Variants in ZNF736 observed in about 807,000 individuals in gnomAD.
The protein encoded by ZNF736 is zinc finger protein 736, also known as KRAB-containing zinc-finger repressor protein.
ZNF736 carries 6 observed loss-of-function variants against 11.7 expected under a neutral mutation model. The observed-to-expected ratio is 0.51, with a 90% confidence interval of 0.28 to 1.01. The LOEUF (loss-of-function observed/expected upper bound fraction) is 1.01. Ranked by LOEUF, ZNF736 falls within the 50% of genes least tolerant of loss-of-function variation. The pLI is 0.09. For missense variants in ZNF736, 444 were observed against 496.0 expected, an observed-to-expected ratio of 0.90 and a Z score of 1.00; for synonymous variants, 139 against 164.7, an observed-to-expected ratio of 0.84 and a Z score of 1.19.
intron 1 of ZNF736, among the ~76,000 whole-genome samples, chr7:64,335,580 AG>A (rs777854558): frequency 7.9e-5 from 12 of 152,228 alleles, no homozygotes; most frequent in Non-Finnish European, 1.5e-4. Flanking sequence ...CTCTATTAAT[AG>A]ATACCTTGGG....
At chr7:64,319,719 A>G (rs1222613897) in intron 1 of ZNF736, among the ~76,000 whole-genome samples, 2 of 150,326 alleles carry the variant, frequency 1.3e-5, no homozygotes, top group African/African-American at 2.5e-5. Context: ...CTGGTCTCGA[A>G]CTCCTGACCT....
At chr7:64,329,829 T>C (rs1425104631) in intron 1 of ZNF736, among the ~76,000 whole-genome samples, 1 of 152,200 alleles carries the variant, frequency 6.6e-6, no homozygotes, top group Non-Finnish European at 1.5e-5. Flanking sequence ...GCCAGGCTCA[T>C]GTCCTTTCCT....
rs1385465512 is a variant in ZNF736, at chr7:64,348,084, C to T, written c.227-6C>T. On this transcript the variant is annotated splice_region_variant and splice_polypyrimidine_tract_variant and intron_variant, in intron 3 of 3. Coordinates refer to ENST00000423484, the MANE Select transcript of ZNF736 (RefSeq NM_001170905.3). ...AATGAGGGAGAATTTTATTTTTTTTCTCCAGCTGGTTCTTTTCATTTTACT... is the reference window on the plus strand; with the variant it reads ...AATGAGGGAGAATTTTATTTTTTTTTTCCAGCTGGTTCTTTTCATTTTACT... The T allele has an allele frequency of 2.7e-6, 4 of 1,479,788 alleles. No individual in the cohort carries two copies. The highest frequency in any genetic ancestry group is 2.7e-5 in the Admixed American group (1 of 36,840). 91.7% of individuals were successfully genotyped at this position (1,479,788 alleles called of 1,614,324 possible).
At position 64,356,391 on chromosome 7, in the gene ZNF736, G is replaced by A. The variant is rs959006823; in HGVS notation, c.*7244G>A. The stretch of plus-strand genomic sequence containing the variant: ...ATACTATGAATATCAATTGTCAAGT[G>A]TGTTGATTTCTAAGATAAAATATTT... On this transcript the variant is annotated 3_prime_UTR_variant, in exon 4 of 4. Coordinates refer to ENST00000423484, the MANE Select transcript of ZNF736 (RefSeq NM_001170905.3). 9.9e-5 allele frequency among the ~76,000 whole-genome samples: 15 copies of A among 152,206 alleles called. No individual in the cohort carries two copies. The highest frequency in any genetic ancestry group is 3.6e-4 in the African/African-American group (15 of 41,538).
At chr7:64,317,341 G>A (rs988576873) in intron 1 of ZNF736, among the ~76,000 whole-genome samples, 1 of 152,074 alleles carries the variant, frequency 6.6e-6, no homozygotes, top group African/African-American at 2.4e-5. Context: ...ACCTCACCAA[G>A]GCAAAAACAT....
At position 64,348,711 on chromosome 7, in the gene ZNF736, A is replaced by G. The variant is rs776296361; in HGVS notation, c.848A>G (p.Lys283Arg). 1.2e-6 allele frequency: 2 copies of G among 1,607,928 alleles called. No homozygotes were observed. Among genetic ancestry groups the G allele is most frequent in the South Asian group, 2.2e-5 (2 of 90,434 alleles). Reference sequence around the variant, plus strand: ...CATAAGAGAATTCATACTGGAGAGAAACCCTACAAATGTGAAGAATGTAAC... The same window carrying G: ...CATAAGAGAATTCATACTGGAGAGAGACCCTACAAATGTGAAGAATGTAAC... ...TNHKRIHTGE[K>R]PYKCEECNKA... is the part of the protein sequence containing the mutation. The change falls in exon 4 of 4, where the codon AAA becomes AGA. Residue 283 changes from lysine (K) to arginine (R), a missense_variant. Physicochemically the swap from Lys to Arg is conservative, Grantham distance 26. Coordinates refer to ENST00000423484, the MANE Select transcript of ZNF736 (RefSeq NM_001170905.3).
intron 1 of ZNF736, among the ~76,000 whole-genome samples, chr7:64,335,509 T>G (rs1442480879): frequency 1.3e-5 from 2 of 152,218 alleles, no homozygotes; most frequent in Non-Finnish European, 2.9e-5. Context: ...TGATCTTAAT[T>G]TATTTACTTG....
chr7:64,320,492 A>C (rs1482287617), intron 1 of ZNF736, among the ~76,000 whole-genome samples: 1 of 152,164 alleles, frequency 6.6e-6, no homozygotes, highest in Non-Finnish European at 1.5e-5. Flanking sequence ...TTGAGAAATA[A>C]AATTTTGAGG....
rs761449773 is a variant in ZNF736 at position 64,348,593 on chromosome 7, CTTG to C, written c.733_735del (p.Val245del). The C allele has an allele frequency of 3.8e-6, 6 of 1,595,720 alleles. No individual in the cohort carries two copies. Among genetic ancestry groups the C allele is most frequent in the Non-Finnish European group, 5.1e-6 (6 of 1,170,968 alleles). On this transcript the variant is annotated inframe_deletion, in exon 4 of 4. Coordinates refer to ENST00000423484, the MANE Select transcript of ZNF736 (RefSeq NM_001170905.3). ...CAAAACTTTTACCTGCTCCTCAACC[CTTG>C]TTAAACACAAGAGAAATCATACTGG...
chr7:64,326,486 A>AATT (rs1789084543), intron 1 of ZNF736, among the ~76,000 whole-genome samples: 2 of 152,350 alleles, frequency 1.3e-5, no homozygotes, highest in South Asian at 4.1e-4. Context: ...CAATGGGCTA[A>AATT]TGTTTTGTAA....
intron 1 of ZNF736, among the ~76,000 whole-genome samples, chr7:64,314,600 GTCTCACTCTGTTGCCCAGGC>G (rs1788885244): frequency 6.6e-6 from 1 of 152,068 alleles, no homozygotes; most frequent in Non-Finnish European, 1.5e-5. Context: ...TTGAGACAGT[GTCTCACTCTGTTGCCCAGGC>G]TAAAGTGCAT....
At chr7:64,329,935 T>C (rs1263079513) in intron 1 of ZNF736, among the ~76,000 whole-genome samples, 6 of 152,216 alleles carry the variant, frequency 3.9e-5, no homozygotes, top group African/African-American at 1.4e-4. Context: ...TGCTCTATTC[T>C]GTTGTGGCTT....
intron 1 of ZNF736, among the ~76,000 whole-genome samples, chr7:64,318,872 A>G (rs1248192221): frequency 6.6e-6 from 1 of 152,126 alleles, no homozygotes; most frequent in African/African-American, 2.4e-5. Context: ...CCTGAAAAGA[A>G]ACTGTTTACC....
chr7:64,349,231 T>C lies in ZNF736; in HGVS notation c.*84T>C. 8.5e-7 allele frequency: 1 copy of C among 1,183,394 alleles called. No individual in the cohort carries two copies. Among genetic ancestry groups the C allele is most frequent in the Non-Finnish European group, 1.2e-6 (1 of 869,132 alleles). The allele number at this position is 1,183,394 out of a possible 1,614,324, so 73.3% of individuals were successfully genotyped here. On this transcript the variant is annotated 3_prime_UTR_variant, in exon 4 of 4. Coordinates refer to ENST00000423484, the MANE Select transcript of ZNF736 (RefSeq NM_001170905.3). Reference sequence around the variant, plus strand: ...CTGAACAAATGCAGTATAAATGTAATGACAGTGGAAGAACATTTATCATCT... The same window carrying C: ...CTGAACAAATGCAGTATAAATGTAACGACAGTGGAAGAACATTTATCATCT...
At chr7:64,332,169 C>G (rs1212118028) in intron 1 of ZNF736, among the ~76,000 whole-genome samples, 1 of 152,182 alleles carries the variant, frequency 6.6e-6, no homozygotes, top group Non-Finnish European at 1.5e-5. Context: ...ACTTTTTCTT[C>G]TGAAATATCA....
rs201484182 is a variant in ZNF736 at position 64,355,379 on chromosome 7, CTTT to C, written c.*6243_*6245del. ...ATTTCAAGTAGATTTAATTCTAGAT[CTTT>C]TTTTTTTTTTCTTTTTTTGAGATGG... On this transcript the variant is annotated 3_prime_UTR_variant, in exon 4 of 4. Transcript: ENST00000423484. 4 of 147,144 alleles carry C rather than the reference CTTT, an allele frequency of 2.7e-5. No homozygotes were observed. Among genetic ancestry groups the C allele is most frequent in the East Asian group, 2.0e-4 (1 of 5,006 alleles). The allele number at this position is 147,144 out of a possible 1,614,324, so 9.1% of individuals were successfully genotyped here.
At chr7:64,334,711 T>C (rs1462725888) in intron 1 of ZNF736, among the ~76,000 whole-genome samples, 1 of 152,166 alleles carries the variant, frequency 6.6e-6, no homozygotes. Context: ...GTTCAACCAT[T>C]GTGGAAGACA....
intron 1 of ZNF736, among the ~76,000 whole-genome samples, chr7:64,319,283 G>GTGTA (rs1374851528): frequency 1.4e-5 from 2 of 142,458 alleles, no homozygotes; most frequent in Non-Finnish European, 3.0e-5. Flanking sequence ...TATAAAATAT[G>GTGTA]TGTATGTATG....
chr7:64,315,486 C>T (rs73133695), intron 1 of ZNF736, among the ~76,000 whole-genome samples: 9,059 of 151,972 alleles, frequency 0.06, 297 homozygotes, highest in Middle Eastern at 0.082. Flanking sequence ...GTAATTAGAG[C>T]TTTTTATTGG....
Sources: gnomAD v4.1 joint callset for allele counts (sites outside exome capture counted in the v4.1 genomes callset) on GRCh38, gnomAD v4.1.1 for gene constraint, MANE v1.5 for transcripts, NCBI Gene and HGNC (gene_info 2026-07-23, HGNC 2026-07-21) for gene names.